The following POU6F2 variants were observed in gnomAD, a reference collection of about 807,000 sequenced individuals.
POU6F2 encodes the protein POU domain, class 6, transcription factor 2.
In POU6F2, 31 loss-of-function variants were observed where a neutral mutation model predicts 71.3. The ratio of observed to expected loss-of-function variants is 0.43; its 90% confidence interval spans 0.33 to 0.59. The LOEUF (loss-of-function observed/expected upper bound fraction) is 0.59, where lower values mean the gene tolerates loss of function less well. POU6F2 is among the 20% of genes least tolerant of loss of function. POU6F2 has a pLI of 0.04. For synonymous variants in POU6F2, 347 were observed against 355.7 expected (o/e 0.98, Z 0.27); for missense variants, 783 against 856.8 (o/e 0.91, Z 1.07).
intron 5 of POU6F2, among the ~76,000 whole-genome samples, chr7:39,386,843 A>G (rs1786955014): frequency 6.6e-6 from 1 of 152,214 alleles, no homozygotes; most frequent in Non-Finnish European, 1.5e-5. Context: ...ACACACAAAA[A>G]CATCTTTAAA....
chr7:39,184,815 C>T (rs1793500061), intron 2 of POU6F2, among the ~76,000 whole-genome samples: 1 of 152,110 alleles, frequency 6.6e-6, no homozygotes, highest in South Asian at 2.1e-4. Context: ...TCTGCCACCT[C>T]CACCCTCACC....
intron 2 of POU6F2, among the ~76,000 whole-genome samples, chr7:39,152,076 G>C (rs1306149102): frequency 2.0e-5 from 3 of 152,144 alleles, no homozygotes; most frequent in Non-Finnish European, 4.4e-5. Context: ...GTATACTCAT[G>C]CAGTGTTGGA....
At chr7:39,243,985 A>G (rs1783773407) in intron 4 of POU6F2, among the ~76,000 whole-genome samples, 1 of 152,174 alleles carries the variant, frequency 6.6e-6, no homozygotes. Context: ...GTTTTTGATC[A>G]AAAAGGTATT....
chr7:39,070,482 G>T (rs933424715), intron 1 of POU6F2, among the ~76,000 whole-genome samples: 1 of 151,846 alleles, frequency 6.6e-6, no homozygotes, highest in Non-Finnish European at 1.5e-5. Context: ...ACCCTCAAGT[G>T]GTTTTCTCTC....
rs114558376 is a variant in POU6F2 at position 39,295,676 on chromosome 7, G to A, written c.599-43966G>A. ...AGCTCAAACCTAGTATTTAGATAGA[G>A]TAGTCCTGTGTGTTGTTATATCTTG... On this transcript the variant is annotated intron_variant, in intron 4 of 9. Transcript: ENST00000518318. Among the ~76,000 whole-genome samples the A allele has an allele frequency of 4.6e-3, 696 of 152,312 alleles. 5 individuals are homozygous for A. Among genetic ancestry groups the A allele is most frequent in the African/African-American group, 0.016 (665 of 41,564 alleles).
At chr7:39,123,917 A>G (rs1470232812) in intron 2 of POU6F2, among the ~76,000 whole-genome samples, 2 of 152,202 alleles carry the variant, frequency 1.3e-5, no homozygotes, top group Non-Finnish European at 2.9e-5. Context: ...GTATACATAT[A>G]CAGAATATAA....
intron 4 of POU6F2, among the ~76,000 whole-genome samples, chr7:39,222,525 C>A (rs1370561380): frequency 6.6e-6 from 1 of 152,156 alleles, no homozygotes; most frequent in Non-Finnish European, 1.5e-5. Flanking sequence ...TTTTCATCCT[C>A]CCCAGCTGAA....
At chr7:39,260,194 ACAC>A (rs962522648) in intron 4 of POU6F2, among the ~76,000 whole-genome samples, 1 of 149,302 alleles carries the variant, frequency 6.7e-6, no homozygotes, top group Admixed American at 6.7e-5. Flanking sequence ...CACACCACAC[ACAC>A]AATACCACAC....
intron 1 of POU6F2, among the ~76,000 whole-genome samples, chr7:39,074,965 G>A (rs1790969096): frequency 6.6e-6 from 1 of 152,098 alleles, no homozygotes; most frequent in Non-Finnish European, 1.5e-5. Flanking sequence ...GGAAAATGAA[G>A]GCTCAGAGAA....
intron 2 of POU6F2, among the ~76,000 whole-genome samples, chr7:39,161,766 T>C (rs78423812): frequency 0.037 from 5,683 of 152,086 alleles, 352 homozygotes; most frequent in East Asian, 0.31. Context: ...GACAGAATAA[T>C]GAAGAATAAG....
intron 1 of POU6F2, among the ~76,000 whole-genome samples, chr7:39,015,958 G>GATATATATAA (rs1789511764): frequency 6.9e-5 from 4 of 58,106 alleles, no homozygotes; most frequent in African/African-American, 2.8e-4. Flanking sequence ...ATTATATATT[G>GATATATATAA]TATATTGATA....
intron 2 of POU6F2, among the ~76,000 whole-genome samples, chr7:39,099,582 G>C (rs939233156): frequency 1.3e-5 from 2 of 152,152 alleles, no homozygotes; most frequent in African/African-American, 4.8e-5. Flanking sequence ...GTGTTATGAC[G>C]ATTTTAGAAA....
intron 5 of POU6F2, among the ~76,000 whole-genome samples, chr7:39,382,560 G>T (rs1209158213): frequency 6.6e-6 from 1 of 152,206 alleles, no homozygotes; most frequent in Admixed American, 6.5e-5. Flanking sequence ...CACTGGCCCT[G>T]GTATGCAGGA....
chr7:39,243,555 T>C (rs945153862), intron 4 of POU6F2, among the ~76,000 whole-genome samples: 1 of 152,046 alleles, frequency 6.6e-6, no homozygotes, highest in Non-Finnish European at 1.5e-5. Flanking sequence ...AGAAAAAATA[T>C]AACAAAAAGC....
At chr7:39,060,515 A>G (rs115352180) in intron 1 of POU6F2, among the ~76,000 whole-genome samples, 3,245 of 152,308 alleles carry the variant, frequency 0.021, 114 homozygotes, top group African/African-American at 0.073. Context: ...AAGTAACTAA[A>G]TATATGAAAA....
At chr7:39,224,782 T>G (rs1001532917) in intron 4 of POU6F2, among the ~76,000 whole-genome samples, 10 of 152,210 alleles carry the variant, frequency 6.6e-5, no homozygotes, top group African/African-American at 2.2e-4. Context: ...ATTCACACAG[T>G]GGGCACAGAA....
intron 2 of POU6F2, among the ~76,000 whole-genome samples, chr7:39,203,638 G>A (rs1369468590): frequency 1.3e-5 from 2 of 152,194 alleles, no homozygotes; most frequent in Admixed American, 6.5e-5. Context: ...TTAGCATGGC[G>A]GAGCTCCCTG....
intron 8 of POU6F2, among the ~76,000 whole-genome samples, chr7:39,453,505 G>A (rs545058483): frequency 6.6e-6 from 1 of 152,172 alleles, no homozygotes; most frequent in African/African-American, 2.4e-5. Context: ...TGAAAAAGAA[G>A]TACAAACAAC....
intron 1 of POU6F2, among the ~76,000 whole-genome samples, chr7:38,978,567 G>A (rs1267333830): frequency 6.6e-6 from 1 of 152,118 alleles, no homozygotes; most frequent in Admixed American, 6.5e-5. Flanking sequence ...CAGATAATGT[G>A]TGATTGAGCC....
Sources: allele counts gnomAD v4.1 joint callset (sites outside exome capture counted in the v4.1 genomes callset), GRCh38; gene constraint gnomAD v4.1.1; transcripts MANE v1.5; gene names NCBI Gene and HGNC (gene_info 2026-07-23, HGNC 2026-07-21).